Variants in ABCA13 observed in about 807,000 individuals in gnomAD.
The protein encoded by ABCA13 is ATP binding cassette subfamily A member 13, also known as ATP-binding cassette sub-family A member 13.
Under a neutral mutation model 478.7 loss-of-function variants are expected in ABCA13, and 476 were observed. The observed-to-expected ratio is 0.99, with a 90% CI of 0.92 to 1.07. The LOEUF (loss-of-function observed/expected upper bound fraction) is 1.07, where lower values mean the gene tolerates loss of function less well. ABCA13 is among the 50% of genes least tolerant of loss of function. The pLI is 0.00. For synonymous variants in ABCA13, 2,252 were observed against 2,158.9 expected (o/e 1.04, Z -1.20); for missense variants, 6,060 against 5,910.6 (o/e 1.03, Z -0.83).
intron 35 of ABCA13, among the ~76,000 whole-genome samples, chr7:48,376,808 C>T (rs1377042440): frequency 6.6e-6 from 1 of 152,118 alleles, no homozygotes; most frequent in Non-Finnish European, 1.5e-5. Flanking sequence ...AGCATGAAAA[C>T]TCACCAGGCC....
chr7:48,337,728 G>T (rs1220386316), intron 28 of ABCA13, among the ~76,000 whole-genome samples: 1 of 152,174 alleles, frequency 6.6e-6, no homozygotes, highest in Non-Finnish European at 1.5e-5. Flanking sequence ...TAAGTGTCAG[G>T]CAGTGCAATG....
At chr7:48,378,127 T>C (rs1051644893) in intron 35 of ABCA13, among the ~76,000 whole-genome samples, 1 of 152,188 alleles carries the variant, frequency 6.6e-6, no homozygotes, top group Non-Finnish European at 1.5e-5. Context: ...AGACTGAGCC[T>C]TGAGGTGGAT....
chr7:48,260,563 T>G (rs1794034082), intron 15 of ABCA13, among the ~76,000 whole-genome samples: 1 of 152,070 alleles, frequency 6.6e-6, no homozygotes, highest in Admixed American at 6.6e-5. Context: ...TATTCTTTCT[T>G]GCACACTGTT....
intron 38 of ABCA13, among the ~76,000 whole-genome samples, chr7:48,394,338 A>G (rs1473140762): frequency 1.3e-5 from 2 of 152,038 alleles, no homozygotes; most frequent in Non-Finnish European, 2.9e-5. Context: ...CGCTGGTCTT[A>G]TGGTGGATCC....
chr7:48,276,638 A>AG, intron 17 of ABCA13, 73 bp downstream of exon 17: 1 of 1,255,470 alleles, frequency 8.0e-7, no homozygotes, highest in Non-Finnish European at 1.1e-6. Context: ...TCTGGAGTAT[A>AG]GACATGTCAA....
At chr7:48,411,310 T>TTTTCTGTTCTTTTCTTTTCTTTTCTTTTC (rs1819192684) in intron 40 of ABCA13, among the ~76,000 whole-genome samples, 1 of 122,088 alleles carries the variant, frequency 8.2e-6, no homozygotes. Context: ...TTTTCTTTTC[T>TTTTCTGTTCTTTTCTTTTCTTTTCTTTTC]TTTCTTTTCT....
chr7:48,429,006 C>T (rs1184733491), intron 42 of ABCA13, among the ~76,000 whole-genome samples: 4 of 152,144 alleles, frequency 2.6e-5, no homozygotes, highest in Non-Finnish European at 4.4e-5. Flanking sequence ...AATAGATGTG[C>T]CTATTTTGGA....
At position 48,189,561 on chromosome 7, in the gene ABCA13, T is replaced by A. The variant is rs540000984; in HGVS notation, c.70-3398T>A. ...TTGGAATTCTGTTATTATTTCAAGA[T>A]GCTTAGAGAAACTTCTCAACGATAA... On this transcript the variant is annotated intron_variant, in intron 1 of 61. Coordinates refer to ENST00000435803, the MANE Select transcript of ABCA13 (RefSeq NM_152701.5). 2.8e-4 allele frequency among the ~76,000 whole-genome samples: 42 copies of A among 152,378 alleles called. No individual in the cohort carries two copies. The East Asian group carries it at 7.7e-3, about 28-fold the overall frequency.
In ABCA13 at chr7:48,171,489, G is replaced by A. The variant is rs1472547354; in HGVS notation, c.6G>A (p.Gly2=). 2.0e-6 allele frequency: 3 copies of A among 1,535,970 alleles called. No homozygotes were observed. Among genetic ancestry groups the A allele is most frequent in the East Asian group, 2.4e-5 (1 of 40,928 alleles). The change falls in exon 1 of 62, where the codon GGG becomes GGA. Residue 2 remains glycine, a synonymous_variant. Coordinates refer to ENST00000435803, the MANE Select transcript of ABCA13 (RefSeq NM_152701.5). M[G]HAGCQFKALL... is the part of the protein sequence containing the mutation. Reference sequence around the variant, plus strand: ...GAGAGCAGGGAGCAGCAGGCATGGGGCATGCCGGGTGCCAGTTCAAAGCCC... The same window carrying A: ...GAGAGCAGGGAGCAGCAGGCATGGGACATGCCGGGTGCCAGTTCAAAGCCC...
At chr7:48,454,587 G>A (rs558745664) in intron 42 of ABCA13, among the ~76,000 whole-genome samples, 21 of 152,108 alleles carry the variant, frequency 1.4e-4, no homozygotes, top group Admixed American at 7.9e-4. Context: ...CGGGAGGAGC[G>A]GGGGCGGGGT....
At chr7:48,608,620 C>T (rs985314048) in intron 58 of ABCA13, among the ~76,000 whole-genome samples, 1 of 152,228 alleles carries the variant, frequency 6.6e-6, no homozygotes, top group Admixed American at 6.5e-5. Context: ...ACCCAATGGT[C>T]CAAATTGTTT....
chr7:48,246,527 C>G (rs1204499395), intron 13 of ABCA13, among the ~76,000 whole-genome samples: 1 of 152,078 alleles, frequency 6.6e-6, no homozygotes, highest in Non-Finnish European at 1.5e-5. Flanking sequence ...AAGTTCCAGC[C>G]CTATTCTTCT....
At chr7:48,271,749 T>TTACTAAA (rs1795637855) in intron 16 of ABCA13, 38 bp from the exon 17 acceptor site, 2 of 1,172,242 alleles carry the variant, frequency 1.7e-6, no homozygotes, top group Admixed American at 7.6e-5. Flanking sequence ...AAATTTATTT[T>TTACTAAA]TTTATTTTAT....
rs199571053 is a variant in ABCA13 at position 48,271,898 on chromosome 7, G to T, written c.2232G>T (p.Leu744Phe). Reference sequence around the variant, plus strand: ...TTGTGGAATTTTTTGAGAAATTATTGTTGCCTAATCTTTTTGACTCCTCCA... The same window carrying T: ...TTGTGGAATTTTTTGAGAAATTATTTTTGCCTAATCTTTTTGACTCCTCCA... ...LSFVEFFEKL[L>F]LPNLFDSSIV... The change falls in exon 17 of 62, where the codon TTG becomes TTT. Residue 744 changes from leucine (L) to phenylalanine (F), a missense_variant. Physicochemically the swap from Leu to Phe is conservative, Grantham distance 22. Around this residue, in one of 3 missense-constraint regions of ABCA13, gnomAD observed 4,423 missense variants for 4,309.1 expected, o/e 1.03. Coordinates refer to ENST00000435803, the MANE Select transcript of ABCA13 (RefSeq NM_152701.5). The T allele has an allele frequency of 3.1e-6, 5 of 1,612,942 alleles. No individual in the cohort carries two copies. The highest frequency in any genetic ancestry group is 1.7e-5 in the Admixed American group (1 of 59,892).
rs1230177679 is a variant in ABCA13, at chr7:48,234,125, C to G, written c.871C>G (p.Leu291Val). 1 of 1,613,854 alleles carries G rather than the reference C, an allele frequency of 6.2e-7. No homozygotes were observed. The highest frequency in any genetic ancestry group is 8.5e-7 in the Non-Finnish European group (1 of 1,179,866). Reference sequence around the variant, plus strand: ...TGATGATCTTCACACGGAACAGATCCTGAACTCTTCAGCTGAACTGAAGGA... The same window carrying G: ...TGATGATCTTCACACGGAACAGATCGTGAACTCTTCAGCTGAACTGAAGGA... Reference protein sequence around the residue: ...GFDDLHTEQILNSSAELKEIP... With the variant: ...GFDDLHTEQIVNSSAELKEIP... Residue 291 changes from leucine to valine, a missense_variant, in exon 8 of 62, where the codon CTG becomes GTG. Transcript: ENST00000435803.
intron 22 of ABCA13, among the ~76,000 whole-genome samples, chr7:48,297,570 T>G (rs1008445630): frequency 6.6e-6 from 1 of 152,158 alleles, no homozygotes; most frequent in African/African-American, 2.4e-5. Flanking sequence ...GGACAAGCAA[T>G]TGATGTCTGT....
intron 41 of ABCA13, among the ~76,000 whole-genome samples, chr7:48,425,728 G>C (rs997979659): frequency 1.8e-5 from 2 of 113,276 alleles, no homozygotes; most frequent in East Asian, 6.1e-4. Context: ...CCTATAATAT[G>C]TCTTATTTAT....
intron 52 of ABCA13, among the ~76,000 whole-genome samples, chr7:48,517,976 A>C (rs1237387387): frequency 6.6e-6 from 1 of 152,200 alleles, no homozygotes; most frequent in East Asian, 1.9e-4. Flanking sequence ...AGACTTAGTA[A>C]ATTTGCCACT....
intron 43 of ABCA13, 27 bp from the exon 44 acceptor site, chr7:48,466,929 T>G (rs1461018447): frequency 6.2e-7 from 1 of 1,612,024 alleles, no homozygotes; most frequent in African/African-American, 1.3e-5. Context: ...TCCCACTTTG[T>G]TTCCTTTGTC....
Sources: gnomAD v4.1 joint callset for allele counts (sites outside exome capture counted in the v4.1 genomes callset) on GRCh38, gnomAD v4.1.1 for gene constraint, gnomAD v4.1.1 regional missense constraint, MANE v1.5 for transcripts, NCBI Gene and HGNC (gene_info 2026-07-23, HGNC 2026-07-21) for gene names.